Variants in CABP1 observed in about 807,000 individuals in gnomAD.
CABP1 encodes calcium-binding protein 1.
Under a neutral mutation model 34.3 loss-of-function variants are expected in CABP1, and 17 were observed. That is an observed-to-expected ratio of 0.50 (90% confidence interval 0.34 to 0.74). The LOEUF (loss-of-function observed/expected upper bound fraction) is 0.74. Ranked by LOEUF, CABP1 falls within the 30% of genes least tolerant of loss-of-function variation. The pLI, the probability that CABP1 is intolerant of heterozygous loss-of-function variation, is 0.01. For missense variants in CABP1, 373 were observed against 511.1 expected, an observed-to-expected ratio of 0.73 and a Z score of 2.61; for synonymous variants, 198 against 229.2, an observed-to-expected ratio of 0.86 and a Z score of 1.23.
At chr12:120,669,806 ATG>A (rs1340156798), downstream of CABP1, among the ~76,000 whole-genome samples, 1 of 151,994 alleles carries the variant, frequency 6.6e-6, no homozygotes, top group Admixed American at 6.6e-5. Flanking sequence ...GAAATGGAGA[ATG>A]TAGTCAGGCT....
Position 120,660,332 on chromosome 12 carries a change from C to T in CABP1, c.822C>T (p.Asn274=), listed in dbSNP as rs1313640382. ...TCATCGAACTGTCCCAGCAGATCAA[C>T]ATGAACCGTGAGTCCCTCTACCAGG... ...MELIELSQQI[N]MNLGGHVDFD... Residue 274 remains asparagine (N), a synonymous_variant, in exon 3 of 6, where the codon AAC becomes AAT. Transcript: ENST00000316803. The surrounding 1 kb of genome is among the most constrained non-coding windows in gnomAD (Gnocchi z 5.0). The T allele has an allele frequency of 2.5e-6, 4 of 1,612,976 alleles. No homozygotes were observed. Among genetic ancestry groups the T allele is most frequent in the Non-Finnish European group, 3.4e-6 (4 of 1,179,878 alleles).
At chr12:120,656,984 G>A (rs11615480) in intron 1 of CABP1, among the ~76,000 whole-genome samples, 18 of 152,144 alleles carry the variant, frequency 1.2e-4, no homozygotes, top group African/African-American at 1.4e-4. Flanking sequence ...TTCACACTTG[G>A]ATAGCCTGAC....
At chr12:120,673,722 C>T in the CABP1 span, among the ~76,000 whole-genome samples, 3 of 152,208 alleles carry the variant, frequency 2.0e-5, no homozygotes, top group South Asian at 6.2e-4. Flanking sequence ...GTCTCAGCTT[C>T]CTCATCTGTA....
intron 5 of CABP1, 70 bp from the exon 6 acceptor site, chr12:120,666,805 G>C (rs1881020832): frequency 1.3e-6 from 2 of 1,533,462 alleles, no homozygotes; most frequent in East Asian, 2.4e-5. Flanking sequence ...ACAGGGTGGG[G>C]TCTGAAGGCA....
intron 1 of CABP1, among the ~76,000 whole-genome samples, chr12:120,658,257 C>G (rs934115507): frequency 2.6e-5 from 4 of 152,056 alleles, no homozygotes; most frequent in Non-Finnish European, 5.9e-5. Flanking sequence ...CCATGCTTGG[C>G]TAACTAAAAC....
the CABP1 span, among the ~76,000 whole-genome samples, chr12:120,679,244 G>A: frequency 6.6e-6 from 1 of 152,074 alleles, no homozygotes; most frequent in South Asian, 2.1e-4. Context: ...GTGACTAATG[G>A]CAGAGCTGTG....
At chr12:120,656,093 A>C in intron 1 of CABP1, 1 of 1,614,132 alleles carries the variant, frequency 6.2e-7, no homozygotes. Flanking sequence ...CTGGCTGAAG[A>C]TGTGCCAGGA....
At chr12:120,649,102 C>T (rs1879685909) in intron 1 of CABP1, among the ~76,000 whole-genome samples, 1 of 152,062 alleles carries the variant, frequency 6.6e-6, no homozygotes. Flanking sequence ...CCAAACAAGG[C>T]TGCTGAGTAA....
chr12:120,665,880 C>A (rs773380952), intron 5 of CABP1, among the ~76,000 whole-genome samples: 1 of 151,550 alleles, frequency 6.6e-6, no homozygotes, highest in Non-Finnish European at 1.5e-5. Context: ...ATTAGCTGGA[C>A]GTCGTGGCGG....
rs752524118 is a variant in CABP1, at chr12:120,660,783, C to G, written c.882C>G (p.Leu294=). Residue 294 remains leucine (L), a synonymous_variant, in exon 4 of 6, where the codon CTC becomes CTG. Coordinates refer to ENST00000316803, the MANE Select transcript of CABP1 (RefSeq NM_001033677.2). This position sits in a 1 kb window ranked among gnomAD's most constrained non-coding sequence, Gnocchi z 5.0. ...TCGTGGAGCTAATGGGGCCTAAACT[C>G]CTGGCAGAGACAGCAGATATGATTG... The part of the protein sequence containing the change: ...DDFVELMGPK[L]LAETADMIGV... 6.2e-7 allele frequency: 1 copy of G among 1,613,986 alleles called. No individual in the cohort carries two copies.
chr12:120,655,823 G>C, intron 1 of CABP1: 3 of 1,442,382 alleles, frequency 2.1e-6, no homozygotes, highest in Non-Finnish European at 2.7e-6. Flanking sequence ...GTGCCAGTGC[G>C]TGCGTGCGTG....
At position 120,659,859 on chromosome 12, in the gene CABP1, A is replaced by G. The variant is rs1356063276; in HGVS notation, c.655-19A>G. ...CAGGTCCCTTGTCGCGGCTAATAGGACATGTTCTTTTGTTTCAGGATAGAT... is the reference window on the plus strand; with the variant it reads ...CAGGTCCCTTGTCGCGGCTAATAGGGCATGTTCTTTTGTTTCAGGATAGAT... On this transcript the variant is annotated intron_variant, in intron 1 of 5. Coordinates refer to ENST00000316803, the MANE Select transcript of CABP1 (RefSeq NM_001033677.2). 2 of 1,611,972 alleles carry G rather than the reference A, an allele frequency of 1.2e-6. No individual in the cohort carries two copies. Among genetic ancestry groups the G allele is most frequent in the East Asian group, 2.2e-5 (1 of 44,850 alleles).
chr12:120,655,896 C>T, intron 1 of CABP1: 2 of 1,536,318 alleles, frequency 1.3e-6, no homozygotes, highest in Non-Finnish European at 1.7e-6. Context: ...CTCCCCGGAA[C>T]CACCATTTCC....
chr12:120,659,844 G>A (rs906339654), intron 1 of CABP1, 34 bp from the exon 2 acceptor site: 1 of 1,610,554 alleles, frequency 6.2e-7, no homozygotes, highest in Non-Finnish European at 8.5e-7. Flanking sequence ...CAGGTCCCTT[G>A]TCGCGGCTAA....
chr12:120,642,995 GAA>G (rs55874841), intron 1 of CABP1, among the ~76,000 whole-genome samples: 5 of 69,492 alleles, frequency 7.2e-5, no homozygotes, highest in Non-Finnish European at 4.9e-5. Flanking sequence ...CTCAGCTCCT[GAA>G]AAAAAAAAAA....
At position 120,661,011 on chromosome 12, in the gene CABP1, G is replaced by C; in HGVS notation, c.940-60G>C. 6.3e-7 allele frequency: 1 copy of C among 1,579,168 alleles called. No individual in the cohort carries two copies. The highest frequency in any genetic ancestry group is 8.6e-7 in the Non-Finnish European group (1 of 1,159,394). ...CACTGGAGAAGGAGCTCAACTTTGG[G>C]ATCTGCTGCTGCCAATCGCCATGCT... On this transcript the variant is annotated intron_variant, in intron 4 of 5. Transcript: ENST00000316803. This position sits in a 1 kb window ranked among gnomAD's most constrained non-coding sequence, Gnocchi z 5.1.
chr12:120,652,823 C>T (rs964332868), intron 1 of CABP1, among the ~76,000 whole-genome samples: 3 of 152,138 alleles, frequency 2.0e-5, no homozygotes, highest in Admixed American at 6.6e-5. Flanking sequence ...GCACACTTGC[C>T]CCTCCTGTTG....
rs2137322690 is a variant in CABP1 at position 120,641,085 on chromosome 12, A to G, written c.400A>G (p.Ser134Gly). Residue 134 changes from serine (S) to glycine (G), a missense_variant, in exon 1 of 6, where the codon AGC (serine) becomes GGC (glycine). Physicochemically the swap from Ser to Gly is moderately conservative, Grantham distance 56. Transcript: ENST00000316803. The surrounding 1 kb of genome is among the most constrained non-coding windows in gnomAD (Gnocchi z 6.7). ...GCCGCGAGAGGAGGGCGCGCGGGGG[A>G]GCCAGCGTGTGCTCCCCCAGGCGCA... ...PAPREEGARG[S>G]QRVLPQAHCR... is the part of the protein sequence containing the mutation. The G allele has an allele frequency of 8.3e-7, 1 of 1,198,880 alleles. No homozygotes were observed. Among genetic ancestry groups the G allele is most frequent in the Non-Finnish European group, 1.0e-6 (1 of 967,104 alleles). The allele number at this position is 1,198,880 out of a possible 1,614,324, so 74.3% of individuals were successfully genotyped here.
At chr12:120,672,396 G>A in the CABP1 span, among the ~76,000 whole-genome samples, 1 of 152,122 alleles carries the variant, frequency 6.6e-6, no homozygotes, top group Non-Finnish European at 1.5e-5. Context: ...ACTTTGGGAG[G>A]CCGAAGTGGG....
Sources: allele counts gnomAD v4.1 joint callset (sites outside exome capture counted in the v4.1 genomes callset), GRCh38; gene constraint gnomAD v4.1.1; non-coding constraint Gnocchi (gnomAD v3.1); transcripts MANE v1.5; gene names NCBI Gene and HGNC (gene_info 2026-07-23, HGNC 2026-07-21).